IL6ST: variants seen among roughly 807,000 people sequenced by gnomAD.
The protein encoded by IL6ST is interleukin 6 cytokine family signal transducer.
In IL6ST, 24 loss-of-function variants were observed where a neutral mutation model predicts 91.3. The ratio of observed to expected loss-of-function variants is 0.26; its 90% confidence interval spans 0.19 to 0.37. The LOEUF is 0.37. Ranked by LOEUF, IL6ST falls within the 10% of genes least tolerant of loss-of-function variation. The pLI, the probability that IL6ST is intolerant of heterozygous loss-of-function variation, is 1.00. For synonymous variants in IL6ST, 351 were observed against 373.6 expected (o/e 0.94, Z 0.70); for missense variants, 914 against 1,078.5 (o/e 0.85, Z 2.14).
chr5:55,986,564 A>G (rs1561205924), intron 1 of IL6ST, among the ~76,000 whole-genome samples: 1 of 152,202 alleles, frequency 6.6e-6, no homozygotes, highest in Admixed American at 6.5e-5. Context: ...TACATTTAAT[A>G]TAATTTGTGA....
intron 2 of IL6ST, chr5:55,978,441 A>G (rs1452391982): frequency 6.6e-6 from 1 of 152,346 alleles, no homozygotes; most frequent in East Asian, 1.9e-4. Flanking sequence ...TTTAAAAGGT[A>G]AGTTGGCTGG....
At chr5:55,969,500 C>T (rs1752829941) in intron 4 of IL6ST, 50 bp downstream of exon 4, 1 of 1,148,406 alleles carries the variant, frequency 8.7e-7, no homozygotes. Context: ...ATTAAAAATG[C>T]AGTTCAATAG....
At position 55,968,410 on chromosome 5, in the gene IL6ST, AT is replaced by A; in HGVS notation, c.371-15del. On this transcript the variant is annotated splice_polypyrimidine_tract_variant and intron_variant, in intron 4 of 16. Coordinates refer to ENST00000381298, the MANE Select transcript of IL6ST (RefSeq NM_002184.4). ...TTTCTGGAGGCACTAAAAGGGATTAATTAGCATCTTTCAGAAAGCTTTATAT... is the reference window on the plus strand; with the variant it reads ...TTTCTGGAGGCACTAAAAGGGATTAATAGCATCTTTCAGAAAGCTTTATAT... The A allele has an allele frequency of 6.2e-7, 1 of 1,609,054 alleles. No homozygotes were observed. Among genetic ancestry groups the A allele is most frequent in the South Asian group, 1.1e-5 (1 of 90,076 alleles).
intron 1 of IL6ST, among the ~76,000 whole-genome samples, chr5:55,993,606 C>T (rs528137611): frequency 1.3e-5 from 2 of 152,202 alleles, no homozygotes; most frequent in East Asian, 3.9e-4. Flanking sequence ...AAAAAAATCC[C>T]ACTACAGTCT....
chr5:55,978,906 C>T (rs954768960), intron 2 of IL6ST, among the ~76,000 whole-genome samples: 50 of 152,222 alleles, frequency 3.3e-4, no homozygotes, highest in African/African-American at 1.1e-3. Flanking sequence ...GAAACGAGTG[C>T]TTAATACCTC....
At chr5:55,962,128 T>C (rs1274706295) in intron 7 of IL6ST, among the ~76,000 whole-genome samples, 1 of 152,362 alleles carries the variant, frequency 6.6e-6, no homozygotes, top group Non-Finnish European at 1.5e-5. Flanking sequence ...CAGTCTTTTT[T>C]GTAGCACTGA....
intron 15 of IL6ST, chr5:55,944,509 G>A: frequency 2.6e-6 from 1 of 380,750 alleles, no homozygotes; most frequent in Non-Finnish European, 4.9e-6. Flanking sequence ...CCTGTCTACT[G>A]AAAACTACAA....
At chr5:55,976,385 G>T in intron 2 of IL6ST, 92 bp from the exon 3 acceptor site, 1 of 582,916 alleles carries the variant, frequency 1.7e-6, no homozygotes, top group Non-Finnish European at 2.8e-6. Context: ...CTGTAGCTGT[G>T]TTTCTAAAAG....
Position 55,935,595 on chromosome 5 carries a change from CTTCCT to C in IL6ST, c.*5482_*5486del, listed in dbSNP as rs1750464268. 9.2e-6 allele frequency: 2 copies of C among 218,444 alleles called. No homozygotes were observed. Among genetic ancestry groups the C allele is most frequent in the Non-Finnish European group, 1.8e-5 (2 of 108,822 alleles). The allele number at this position is 218,444 out of a possible 1,614,324, so 13.5% of individuals were successfully genotyped here. On this transcript the variant is annotated 3_prime_UTR_variant, in exon 17 of 17. Transcript: ENST00000381298. ...TCACCCTGCTTTCGAGTTGGCTGAG[CTTCCT>C]GCTGCTTTCACACATTCTTCTTTTT...
At position 55,936,611 on chromosome 5, in the gene IL6ST, T is replaced by C. The variant is rs1206310349; in HGVS notation, c.*4471A>G. 1.0e-5 allele frequency: 2 copies of C among 197,740 alleles called. No individual in the cohort carries two copies. Among genetic ancestry groups the C allele is most frequent in the Non-Finnish European group, 2.1e-5 (2 of 95,546 alleles). 12.2% of individuals were successfully genotyped at this position (197,740 alleles called of 1,614,324 possible). ...CTAATGATAAATGCTGTTACAAATA[T>C]GCATAGTCAGATGATAGTAACCACA... On this transcript the variant is annotated 3_prime_UTR_variant, in exon 17 of 17. Coordinates refer to ENST00000381298, the MANE Select transcript of IL6ST (RefSeq NM_002184.4).
chr5:55,971,737 G>T (rs1404795518), intron 3 of IL6ST, among the ~76,000 whole-genome samples: 1 of 152,120 alleles, frequency 6.6e-6, no homozygotes, highest in Non-Finnish European at 1.5e-5. Context: ...CGTGTGCTGA[G>T]GCAGGAGGAT....
Position 55,950,002 on chromosome 5 carries a change from C to A in IL6ST, c.1840+1462G>T, listed in dbSNP as rs558980597. The stretch of plus-strand genomic sequence containing the variant: ...GGTGAAGACCTCACTGGGGGCAATG[C>A]ACTAAGAAAAGAGAAGTTAGCATGA... On this transcript the variant is annotated intron_variant, in intron 14 of 16. Transcript: ENST00000381298. Among the ~76,000 whole-genome samples the A allele has an allele frequency of 2.6e-5, 4 of 152,224 alleles. No individual in the cohort carries two copies. The East Asian group carries it at 5.8e-4, about 22-fold the overall frequency.
Position 55,940,993 on chromosome 5 carries a change from A to G in IL6ST, c.*89T>C. 1.5e-6 allele frequency: 2 copies of G among 1,315,544 alleles called. No homozygotes were observed. Among genetic ancestry groups the G allele is most frequent in the Non-Finnish European group, 2.1e-6 (2 of 953,374 alleles). The allele number at this position is 1,315,544 out of a possible 1,614,324, so 81.5% of individuals were successfully genotyped here. ...GCAAATGATCATCTTCAGAGAGTGA[A>G]GACTTTTTAAAATCTGAATTCACAG... is the stretch of plus-strand genomic sequence containing the variant. On this transcript the variant is annotated 3_prime_UTR_variant, in exon 17 of 17. Coordinates refer to ENST00000381298, the MANE Select transcript of IL6ST (RefSeq NM_002184.4).
chr5:55,981,630 G>A (rs188099327), intron 2 of IL6ST, among the ~76,000 whole-genome samples: 1,562 of 151,820 alleles, frequency 0.01, 29 homozygotes, highest in African/African-American at 0.035. Flanking sequence ...GTGACAGAGC[G>A]AGACTCCATC....
intron 8 of IL6ST, among the ~76,000 whole-genome samples, chr5:55,959,091 C>A (rs1383515221): frequency 1.3e-5 from 2 of 152,102 alleles, no homozygotes; most frequent in African/African-American, 4.8e-5. Context: ...AGACTTCATT[C>A]ACGCATTGAT....
intron 8 of IL6ST, among the ~76,000 whole-genome samples, chr5:55,958,220 C>T (rs971530602): frequency 7.2e-5 from 11 of 152,138 alleles, no homozygotes; most frequent in African/African-American, 2.7e-4. Flanking sequence ...ATCCTCCCAC[C>T]TCAGCAACCC....
Position 55,941,596 on chromosome 5 carries a change from T to G in IL6ST, c.2243A>C (p.Glu748Ala), listed in dbSNP as rs756696579. Residue 748 changes from glutamate to alanine, a missense_variant, in exon 17 of 17, where the codon GAA becomes GCA. Physicochemically the swap from Glu to Ala is moderately radical, Grantham distance 107 (BLOSUM62 -1). Transcript: ENST00000381298. ...RPSISSSDEN[E>A]SSQNTSSTVQ... ...AGTGCTCGAAGTGTTTTGTGAAGAT[T>G]CATTTTCATCACTGCTAGAAATGCT... The G allele has an allele frequency of 3.1e-6, 5 of 1,614,052 alleles. No individual in the cohort carries two copies. The highest frequency in any genetic ancestry group is 4.2e-6 in the Non-Finnish European group (5 of 1,180,004).
At chr5:55,947,741 G>A (rs979971577) in intron 14 of IL6ST, 152 bp from the exon 15 acceptor site, 1 of 572,542 alleles carries the variant, frequency 1.7e-6, no homozygotes, top group Non-Finnish European at 3.1e-6. Flanking sequence ...CTTCAGACTT[G>A]ATGATTTTTA....
intron 4 of IL6ST, among the ~76,000 whole-genome samples, chr5:55,968,995 AC>A (rs1455757794): frequency 6.6e-6 from 1 of 152,134 alleles, no homozygotes; most frequent in African/African-American, 2.4e-5. Flanking sequence ...GGAGTTTGAG[AC>A]CAGCCTGGCC....
Sources: allele counts gnomAD v4.1 joint callset (sites outside exome capture counted in the v4.1 genomes callset), GRCh38; gene constraint gnomAD v4.1.1; transcripts MANE v1.5; gene names NCBI Gene and HGNC (gene_info 2026-07-23, HGNC 2026-07-21).